MEIS1: variants seen among roughly 807,000 people sequenced by gnomAD.
The protein encoded by MEIS1 is Meis homeobox 1.
A neutral mutation model predicts 50.8 loss-of-function variants in MEIS1; 5 were observed. The observed-to-expected ratio is 0.10, with a 90% confidence interval of 0.05 to 0.21. MEIS1 has a LOEUF of 0.21. Among genes scored for constraint, MEIS1 ranks in the 10% least tolerant of loss-of-function variants. The pLI is 1.00. For missense variants in MEIS1, 318 were observed against 517.3 expected, an observed-to-expected ratio of 0.61 and a Z score of 3.74; for synonymous variants, 176 against 179.3, an observed-to-expected ratio of 0.98 and a Z score of 0.15.
chr2:66,463,061 T>C (rs1293526985), intron 6 of MEIS1, among the ~76,000 whole-genome samples: 1 of 151,984 alleles, frequency 6.6e-6, no homozygotes, highest in Non-Finnish European at 1.5e-5. Context: ...GGTAGGAACA[T>C]AGTTTTCTAG....
intron 7 of MEIS1, among the ~76,000 whole-genome samples, chr2:66,508,222 A>G (rs1404192740): frequency 3.9e-5 from 6 of 152,214 alleles, no homozygotes; most frequent in Admixed American, 3.9e-4. Context: ...TGCTCCTTGA[A>G]ATCTGACAGG....
chr2:66,501,761 A>G (rs1019743142), intron 7 of MEIS1, among the ~76,000 whole-genome samples: 2 of 152,192 alleles, frequency 1.3e-5, no homozygotes, highest in South Asian at 4.1e-4. Context: ...TAAGTAAACT[A>G]TAAATCTGAA....
intron 7 of MEIS1, among the ~76,000 whole-genome samples, chr2:66,487,901 T>A (rs1477091813): frequency 6.6e-6 from 1 of 152,240 alleles, no homozygotes; most frequent in African/African-American, 2.4e-5. Flanking sequence ...GAAGGTCAGT[T>A]AAGTTCCACA....
At chr2:66,498,031 A>AT (rs1673452510) in intron 7 of MEIS1, among the ~76,000 whole-genome samples, 1 of 152,044 alleles carries the variant, frequency 6.6e-6, no homozygotes, top group Admixed American at 6.5e-5. Context: ...AAAAAATGGT[A>AT]TGCCATGTTA....
At chr2:66,481,859 T>TG (rs1673023768) in intron 7 of MEIS1, among the ~76,000 whole-genome samples, 1 of 145,698 alleles carries the variant, frequency 6.9e-6, no homozygotes, top group African/African-American at 2.5e-5. Context: ...TCTTTTTTTT[T>TG]TTTTTTTTTT....
intron 7 of MEIS1, among the ~76,000 whole-genome samples, chr2:66,488,410 G>A (rs1403566895): frequency 6.6e-6 from 1 of 152,178 alleles, no homozygotes; most frequent in Non-Finnish European, 1.5e-5. Context: ...TAGGTGCAGT[G>A]GCTCAAGCCT....
intron 8 of MEIS1, among the ~76,000 whole-genome samples, chr2:66,516,164 G>A (rs534516407): frequency 1.3e-5 from 2 of 152,278 alleles, no homozygotes; most frequent in African/African-American, 4.8e-5. Context: ...TCATATTGCA[G>A]TCTAAAGTAT....
chr2:66,477,398 G>GTC (rs1672919430), intron 7 of MEIS1, among the ~76,000 whole-genome samples: 1 of 152,124 alleles, frequency 6.6e-6, no homozygotes, highest in Non-Finnish European at 1.5e-5. Flanking sequence ...CTCTTTCTTT[G>GTC]TCTTCTTTTG....
At chr2:66,458,025 G>A (rs1444674392) in intron 6 of MEIS1, among the ~76,000 whole-genome samples, 3 of 152,124 alleles carry the variant, frequency 2.0e-5, no homozygotes, top group South Asian at 2.1e-4. Context: ...GACTGACTTC[G>A]AATTTTGTAC....
At chr2:66,551,903 T>C (rs1572898478) in intron 9 of MEIS1, among the ~76,000 whole-genome samples, 2 of 152,030 alleles carry the variant, frequency 1.3e-5, no homozygotes, top group East Asian at 1.9e-4. Flanking sequence ...CAAATACTTA[T>C]GTTATATCAG....
intron 8 of MEIS1, 63 bp downstream of exon 8, chr2:66,512,357 A>C: frequency 6.7e-7 from 1 of 1,496,406 alleles, no homozygotes; most frequent in Non-Finnish European, 8.9e-7. Flanking sequence ...TTTTATACAA[A>C]AAAATGAGAA....
chr2:66,561,805 G>A (rs1357518740), intron 9 of MEIS1, among the ~76,000 whole-genome samples: 1 of 152,098 alleles, frequency 6.6e-6, no homozygotes, highest in East Asian at 1.9e-4. Context: ...CCTGCTGACA[G>A]TTCACTTACG....
intron 7 of MEIS1, among the ~76,000 whole-genome samples, chr2:66,489,362 A>G (rs1432543392): frequency 6.6e-6 from 1 of 152,050 alleles, no homozygotes; most frequent in Non-Finnish European, 1.5e-5. Context: ...AAATATTTGA[A>G]CTCCTTTGTA....
intron 9 of MEIS1, among the ~76,000 whole-genome samples, chr2:66,557,651 T>C (rs1170467756): frequency 6.6e-6 from 1 of 152,246 alleles, no homozygotes; most frequent in African/African-American, 2.4e-5. Context: ...TTCCATTGTA[T>C]GGATATAAGG....
At chr2:66,484,602 A>C in intron 7 of MEIS1, among the ~76,000 whole-genome samples, 1 of 151,826 alleles carries the variant, frequency 6.6e-6, no homozygotes, top group East Asian at 1.9e-4. Flanking sequence ...TTTGTGGCCC[A>C]GGCTGGAGTG....
At chr2:66,488,010 A>G (rs1673182636) in intron 7 of MEIS1, among the ~76,000 whole-genome samples, 1 of 152,236 alleles carries the variant, frequency 6.6e-6, no homozygotes, top group Admixed American at 6.5e-5. Context: ...TTTCCTGAAT[A>G]TCTGGGTGCA....
At position 66,547,908 on chromosome 2, in the gene MEIS1, C is replaced by T. The variant is rs370922908; in HGVS notation, c.889-35C>T. 42 of 1,605,832 alleles carry T rather than the reference C, an allele frequency of 2.6e-5. No individual in the cohort carries two copies. The African/African-American group carries it at 4.3e-4, about 16-fold the overall frequency. On this transcript the variant is annotated intron_variant, in intron 8 of 12. Coordinates refer to ENST00000272369, the MANE Select transcript of MEIS1 (RefSeq NM_002398.3). ...CTATTGACAAAATGGCTAAATATTG[C>T]CTGATGCACACGTATCTTTTTTATT...
At chr2:66,482,957 T>C (rs1380174663) in intron 7 of MEIS1, among the ~76,000 whole-genome samples, 1 of 152,186 alleles carries the variant, frequency 6.6e-6, no homozygotes, top group South Asian at 2.1e-4. Flanking sequence ...CTACGTGAGA[T>C]GGTTTGACTT....
intron 8 of MEIS1, among the ~76,000 whole-genome samples, chr2:66,534,822 C>A (rs564282662): frequency 1.3e-5 from 2 of 152,238 alleles, no homozygotes; most frequent in South Asian, 4.1e-4. Flanking sequence ...ACGAATCAAT[C>A]CTCACTGGAT....
Sources: gnomAD v4.1 joint callset for allele counts (sites outside exome capture counted in the v4.1 genomes callset) on GRCh38, gnomAD v4.1.1 for gene constraint, MANE v1.5 for transcripts, NCBI Gene and HGNC (gene_info 2026-07-23, HGNC 2026-07-21) for gene names.